Variants in SLC49A4 observed in about 807,000 individuals in gnomAD.
SLC49A4 encodes the protein disrupted in renal cancer protein 2.
In SLC49A4, 36 loss-of-function variants were observed where a neutral mutation model predicts 50.6. That is an observed-to-expected ratio of 0.71 (90% CI 0.55 to 0.94). SLC49A4 has a LOEUF of 0.94. SLC49A4 is among the 40% of genes least tolerant of loss of function. SLC49A4 has a pLI of 0.00. For missense variants in SLC49A4, 503 were observed against 605.7 expected (o/e 0.83, Z 1.78); for synonymous variants, 248 against 241.2 (o/e 1.03, Z -0.26).
At chr3:122,802,180 CAA>C (rs1226391600) in intron 1 of SLC49A4, among the ~76,000 whole-genome samples, 2 of 151,970 alleles carry the variant, frequency 1.3e-5, no homozygotes, top group Non-Finnish European at 2.9e-5. Context: ...TAGAATAAAA[CAA>C]AATATGTAAA....
chr3:122,823,599 T>C (rs1406600176), intron 2 of SLC49A4, among the ~76,000 whole-genome samples: 1 of 152,268 alleles, frequency 6.6e-6, no homozygotes, highest in African/African-American at 2.4e-5. Context: ...TATATGTTTG[T>C]TGAATTAAGT....
At position 122,875,116 on chromosome 3, in the gene SLC49A4, C is replaced by G. The variant is rs570829021; in HGVS notation, c.1321+2519C>G. On this transcript the variant is annotated intron_variant, in intron 8 of 8. Coordinates refer to ENST00000261038, the MANE Select transcript of SLC49A4 (RefSeq NM_032839.3). The stretch of plus-strand genomic sequence containing the variant: ...AGCAGAGGTCCACATTCTTTATGGT[C>G]TCAGGTATGATTATACACAAATTGC... 2.0e-5 allele frequency among the ~76,000 whole-genome samples: 3 copies of G among 152,260 alleles called. No homozygotes were observed. In the South Asian group the frequency reaches 6.2e-4, roughly 32 times the overall value.
At chr3:122,798,322 CCTT>C (rs1307832758) in intron 1 of SLC49A4, among the ~76,000 whole-genome samples, 1 of 151,112 alleles carries the variant, frequency 6.6e-6, no homozygotes, top group East Asian at 1.9e-4. Context: ...TAATTTGCAC[CCTT>C]CTTATTATAA....
intron 5 of SLC49A4, among the ~76,000 whole-genome samples, chr3:122,852,593 C>G (rs978490926): frequency 2.0e-5 from 3 of 152,118 alleles, no homozygotes; most frequent in African/African-American, 7.2e-5. Flanking sequence ...GTCTGAGAAT[C>G]ACCTTAATCT....
chr3:122,862,220 T>C (rs1017741934), intron 7 of SLC49A4, among the ~76,000 whole-genome samples: 3 of 152,222 alleles, frequency 2.0e-5, no homozygotes, highest in Non-Finnish European at 4.4e-5. Context: ...ATCATACATG[T>C]TATTAAATAG....
intron 4 of SLC49A4, 64 bp downstream of exon 4, chr3:122,833,510 A>T (rs1936636216): frequency 5.5e-6 from 8 of 1,456,116 alleles, no homozygotes; most frequent in Admixed American, 2.2e-5. Context: ...TCAGATTTTT[A>T]AAAAATAATT....
At chr3:122,837,732 G>A (rs1176812108) in intron 4 of SLC49A4, among the ~76,000 whole-genome samples, 1 of 151,628 alleles carries the variant, frequency 6.6e-6, no homozygotes, top group Non-Finnish European at 1.5e-5. Flanking sequence ...AAACTAAAGA[G>A]CTTCTGCACA....
intron 1 of SLC49A4, among the ~76,000 whole-genome samples, chr3:122,799,267 G>A (rs1209087227): frequency 3.3e-5 from 5 of 152,206 alleles, no homozygotes; most frequent in Admixed American, 3.3e-4. Flanking sequence ...AAAGGAGGAA[G>A]GGAATGTGAT....
At chr3:122,807,696 T>C (rs78615258) in intron 2 of SLC49A4, among the ~76,000 whole-genome samples, 1 of 152,266 alleles carries the variant, frequency 6.6e-6, no homozygotes, top group East Asian at 1.9e-4. Context: ...TTGAGAGTCG[T>C]TGAGAAATTT....
At chr3:122,797,654 ATTG>A (rs989629043) in intron 1 of SLC49A4, among the ~76,000 whole-genome samples, 5 of 152,232 alleles carry the variant, frequency 3.3e-5, no homozygotes, top group South Asian at 2.1e-4. Context: ...TCTTTGGGTT[ATTG>A]TTGTTTGCTT....
intron 4 of SLC49A4, among the ~76,000 whole-genome samples, chr3:122,836,251 A>G (rs977032887): frequency 6.6e-6 from 1 of 152,078 alleles, no homozygotes; most frequent in Non-Finnish European, 1.5e-5. Context: ...TATTGAGATA[A>G]TCATGTGGTT....
At chr3:122,837,402 T>C (rs1936703409) in intron 4 of SLC49A4, among the ~76,000 whole-genome samples, 1 of 151,900 alleles carries the variant, frequency 6.6e-6, no homozygotes, top group African/African-American at 2.4e-5. Context: ...TCAGAAATAA[T>C]GCCGCATATC....
chr3:122,810,781 T>C (rs1181201675), intron 2 of SLC49A4, among the ~76,000 whole-genome samples: 1 of 152,248 alleles, frequency 6.6e-6, no homozygotes, highest in Admixed American at 6.5e-5. Context: ...TATACTCCAT[T>C]GTGAAATACT....
chr3:122,874,144 T>C (rs188369184), intron 8 of SLC49A4, among the ~76,000 whole-genome samples: 2 of 152,342 alleles, frequency 1.3e-5, no homozygotes, highest in East Asian at 3.9e-4. Context: ...TGTTGATCAG[T>C]TTAAGGCAGA....
chr3:122,852,083 C>A (rs973100630), intron 5 of SLC49A4, among the ~76,000 whole-genome samples: 1 of 148,768 alleles, frequency 6.7e-6, no homozygotes, highest in Non-Finnish European at 1.5e-5. Flanking sequence ...CCTCTGCCTT[C>A]TGGGTTCAAG....
intron 4 of SLC49A4, among the ~76,000 whole-genome samples, chr3:122,838,006 A>G (rs1936714467): frequency 6.6e-6 from 1 of 152,058 alleles, no homozygotes; most frequent in Non-Finnish European, 1.5e-5. Flanking sequence ...AACCACAATG[A>G]GATACCATCT....
chr3:122,807,296 G>A (rs1478699609), intron 2 of SLC49A4, among the ~76,000 whole-genome samples: 6 of 151,944 alleles, frequency 3.9e-5, no homozygotes, highest in Non-Finnish European at 8.8e-5. Context: ...AGAAGTTTTG[G>A]CTGTGGGTAT....
intron 3 of SLC49A4, among the ~76,000 whole-genome samples, chr3:122,829,139 C>T (rs1189499956): frequency 6.6e-6 from 1 of 152,206 alleles, no homozygotes; most frequent in East Asian, 1.9e-4. Flanking sequence ...AAGTAAACTA[C>T]AGATCCAAAT....
intron 3 of SLC49A4, among the ~76,000 whole-genome samples, chr3:122,830,381 A>T (rs554308876): frequency 2.0e-5 from 3 of 152,346 alleles, no homozygotes; most frequent in Non-Finnish European, 2.9e-5. Flanking sequence ...AAGGAACAAA[A>T]TTGGAGAACT....
Sources: allele counts gnomAD v4.1 joint callset (sites outside exome capture counted in the v4.1 genomes callset), GRCh38; gene constraint gnomAD v4.1.1; transcripts MANE v1.5; gene names NCBI Gene and HGNC (gene_info 2026-07-23, HGNC 2026-07-21).